SMTNL1: variants seen among roughly 807,000 people sequenced by gnomAD.
SMTNL1 encodes smoothelin-like protein 1.
In SMTNL1, 41 loss-of-function variants were observed where a neutral mutation model predicts 46.6. The ratio of observed to expected loss-of-function variants is 0.88; its 90% CI spans 0.69 to 1.14. The LOEUF (loss-of-function observed/expected upper bound fraction) is 1.14. Among genes scored for constraint, SMTNL1 ranks in the 50% most tolerant of loss-of-function variants. The pLI is 0.00. For missense variants in SMTNL1, 591 were observed against 626.1 expected (o/e 0.94, Z 0.60); for synonymous variants, 234 against 234.2 (o/e 1.00, Z 0.01).
At chr11:57,541,542 G>T in intron 1 of SMTNL1, 1 of 1,367,474 alleles carries the variant, frequency 7.3e-7, no homozygotes, top group Middle Eastern at 2.1e-4. Context: ...AGATTGCTCA[G>T]CAGAGGCCAG....
rs112645337 is a variant in SMTNL1 at position 57,538,410 on chromosome 11, G to A, written c.-3+768G>A. On this transcript the variant is annotated intron_variant, in intron 1 of 7. Coordinates refer to ENST00000527972, the MANE Select transcript of SMTNL1 (RefSeq NM_001105565.3). ...GCAGTGCTGCTTTGGACACAAAACA[G>A]GGATGGTTTGGAGACTTCCTGGGGA... 3.0e-3 allele frequency among the ~76,000 whole-genome samples: 455 copies of A among 152,318 alleles called. 2 individuals carry two copies. Among genetic ancestry groups the A allele is most frequent in the Non-Finnish European group, 4.6e-3 (310 of 68,024 alleles).
In SMTNL1 at chr11:57,545,865, G is replaced by T; in HGVS notation, c.918-16G>T. ...GTCCCAGCCTCTCTCACACGTCTTT[G>T]GACTTCTCCATATAGTGAGTCTTCA... On this transcript the variant is annotated splice_polypyrimidine_tract_variant and intron_variant, in intron 4 of 7. Coordinates refer to ENST00000527972, the MANE Select transcript of SMTNL1 (RefSeq NM_001105565.3). The T allele has an allele frequency of 6.2e-7, 1 of 1,600,292 alleles. No homozygotes were observed. The highest frequency in any genetic ancestry group is 8.5e-7 in the Non-Finnish European group (1 of 1,172,654).
intron 7 of SMTNL1, 150 bp downstream of exon 7, chr11:57,546,802 A>T: frequency 9.5e-7 from 1 of 1,052,516 alleles, no homozygotes; most frequent in Non-Finnish European, 1.4e-6. Context: ...GCACTGTTTC[A>T]GGCCCTGGGG....
intron 7 of SMTNL1, 116 bp downstream of exon 7, chr11:57,546,768 C>T (rs1944926867): frequency 1.5e-6 from 2 of 1,307,044 alleles, no homozygotes; most frequent in African/African-American, 1.5e-5. Context: ...TTCATGTATC[C>T]AACAGACATT....
In SMTNL1 at chr11:57,550,036, A is replaced by G. The variant is rs557885710; in HGVS notation, c.1409A>G (p.Lys470Arg). Residue 470 changes from lysine to arginine, a missense_variant, in exon 8 of 8, where the codon AAG becomes AGG. Transcript: ENST00000527972. ...GTGCGGTTGGCTGTGCCCGACTCCAAGTGCGTCTACACATACATCCAGGAA... is the reference window on the plus strand; with the variant it reads ...GTGCGGTTGGCTGTGCCCGACTCCAGGTGCGTCTACACATACATCCAGGAA... ...DMVRLAVPDSKCVYTYIQELY... is the reference protein window; with the variant it reads ...DMVRLAVPDSRCVYTYIQELY... 5.6e-6 allele frequency: 9 copies of G among 1,613,942 alleles called. No individual in the cohort carries two copies. The East Asian group carries it at 8.9e-5, about 16-fold the overall frequency.
Position 57,542,814 on chromosome 11 carries a change from GC to G in SMTNL1, c.174del (p.Glu59ArgfsTer15). On this transcript the variant is annotated frameshift_variant, in exon 2 of 8. Transcript: ENST00000527972. LOFTEE classifies it high-confidence loss of function. ...GTCAGGAAAGCAGGAAAAGGCACCA[GC>G]CGAGGACGGCATGTCAGCAGAACTC... ...TESGKQEKAP[A>X]EDGMSAELQG... 1 of 1,613,800 alleles carries G rather than the reference GC, an allele frequency of 6.2e-7. No individual in the cohort carries two copies. Among genetic ancestry groups the G allele is most frequent in the South Asian group, 1.1e-5 (1 of 91,020 alleles).
At chr11:57,538,101 C>A (rs79460469) in intron 1 of SMTNL1, among the ~76,000 whole-genome samples, 1 of 151,744 alleles carries the variant, frequency 6.6e-6, no homozygotes, top group Non-Finnish European at 1.5e-5. Context: ...TTACATGTGG[C>A]CCAAGACACT....
chr11:57,542,977 C>A lies in SMTNL1; in HGVS notation c.335C>A (p.Thr112Asn), dbSNP rs1421495048. Reference sequence around the variant, plus strand: ...ACCACTGTGGGTTCTCAGGAGATGACTGGCAGGAAAGAAGAGACCAAATCT... The same window carrying A: ...ACCACTGTGGGTTCTCAGGAGATGAATGGCAGGAAAGAAGAGACCAAATCT... ...EETTVGSQEM[T>N]GRKEETKSEP... Residue 112 changes from threonine (T) to asparagine (N), a missense_variant, in exon 2 of 8, where the codon ACT becomes AAT. By Grantham distance (65) the Thr-to-Asn change is moderately conservative. Transcript: ENST00000527972. 6 of 1,602,228 alleles carry A rather than the reference C, an allele frequency of 3.7e-6. No individual in the cohort carries two copies. Among genetic ancestry groups the A allele is most frequent in the East Asian group, 2.3e-5 (1 of 44,432 alleles).
Position 57,550,152 on chromosome 11 carries a change from C to G in SMTNL1, c.*40C>G, listed in dbSNP as rs1352579341. 3 of 1,584,534 alleles carry G rather than the reference C, an allele frequency of 1.9e-6. No homozygotes were observed. The highest frequency in any genetic ancestry group is 2.6e-6 in the Non-Finnish European group (3 of 1,164,728). Reference sequence around the variant, plus strand: ...CTGTGGGCAGAGATGGGCAGGGTGCCCAGCTCAGCAGCCACGGCCCGGGGG... The same window carrying G: ...CTGTGGGCAGAGATGGGCAGGGTGCGCAGCTCAGCAGCCACGGCCCGGGGG... On this transcript the variant is annotated 3_prime_UTR_variant, in exon 8 of 8. Transcript: ENST00000527972.
chr11:57,543,044 T>C lies in SMTNL1; in HGVS notation c.402T>C (p.Ser134=). The C allele has an allele frequency of 5.0e-6, 8 of 1,606,128 alleles. No homozygotes were observed. Among genetic ancestry groups the C allele is most frequent in the Non-Finnish European group, 6.8e-6 (8 of 1,176,138 alleles). Residue 134 remains serine (S), a synonymous_variant, in exon 2 of 8, where the codon TCT becomes TCC. Coordinates refer to ENST00000527972, the MANE Select transcript of SMTNL1 (RefSeq NM_001105565.3). ...AGGAAAAGGAGAGCACGCTGGCCTC[T>C]GAGAAGCAGAAGGCTGAGGAGAAAG... ...EAEEKESTLA[S]EKQKAEEKEA...
intron 7 of SMTNL1, 130 bp from the exon 8 acceptor site, chr11:57,549,838 T>C: frequency 1.1e-6 from 1 of 936,016 alleles, no homozygotes; most frequent in East Asian, 2.5e-5. Context: ...TTGGCTTAGA[T>C]GATCTCCCAG....
At chr11:57,549,789 G>T (rs530925077) in intron 7 of SMTNL1, among the ~76,000 whole-genome samples, 179 bp from the exon 8 acceptor site, 1 of 152,128 alleles carries the variant, frequency 6.6e-6, no homozygotes, top group South Asian at 2.1e-4. Context: ...TAACTCTGTT[G>T]GGGTCTCAGT....
chr11:57,545,223 G>T (rs1294113567), intron 4 of SMTNL1, among the ~76,000 whole-genome samples: 1 of 152,134 alleles, frequency 6.6e-6, no homozygotes, highest in Non-Finnish European at 1.5e-5. Context: ...TTCTTACATA[G>T]GGCAGGTAGG....
chr11:57,543,491 C>G, intron 2 of SMTNL1, 117 bp downstream of exon 2: 1 of 1,521,346 alleles, frequency 6.6e-7, no homozygotes, highest in Non-Finnish European at 8.8e-7. Context: ...TTTCCAGAGC[C>G]CAGGGTGGGG....
Position 57,542,655 on chromosome 11 carries a change from G to C in SMTNL1, c.13G>C (p.Glu5Gln). ...TCTCTTTCCAGAGATGGAGCAGAAG[G>C]AAGGGAAGCTCTCTGAGGATGGGAC... MEQK[E>Q]GKLSEDGTTV... Residue 5 changes from glutamate to glutamine, a missense_variant, in exon 2 of 8, where the codon GAA becomes CAA. By Grantham distance (29) the Glu-to-Gln change is conservative. Transcript: ENST00000527972. 1 of 1,608,086 alleles carries C rather than the reference G, an allele frequency of 6.2e-7. No homozygotes were observed. The highest frequency in any genetic ancestry group is 1.7e-4 in the Middle Eastern group (1 of 6,012).
In SMTNL1 at chr11:57,543,636, C is replaced by T. The variant is rs546652152; in HGVS notation, c.745C>T (p.Pro249Ser). Reference sequence around the variant, plus strand: ...ATGCTCATTCCAGGAGCCAGGCAGTCCCAGCGAAGAGCAGGAGCAGGACGT... The same window carrying T: ...ATGCTCATTCCAGGAGCCAGGCAGTTCCAGCGAAGAGCAGGAGCAGGACGT... ...EDAEEAEPGS[P>S]SEEQEQDVEK... is the part of the protein sequence containing the mutation. Residue 249 changes from proline (P) to serine (S), a missense_variant, in exon 3 of 8, where the codon CCC becomes TCC. Coordinates refer to ENST00000527972, the MANE Select transcript of SMTNL1 (RefSeq NM_001105565.3). 1.2e-6 allele frequency: 2 copies of T among 1,607,744 alleles called. No individual in the cohort carries two copies. Among genetic ancestry groups the T allele is most frequent in the East Asian group, 2.2e-5 (1 of 44,712 alleles).
chr11:57,542,109 AAAAAACACACAC>A (rs1440980794), intron 1 of SMTNL1, among the ~76,000 whole-genome samples: 9 of 60,514 alleles, frequency 1.5e-4, no homozygotes, highest in African/African-American at 4.9e-4. Flanking sequence ...CTCTACAAAA[AAAAAACACACAC>A]ACACACACAC....
Position 57,545,970 on chromosome 11 carries a change from C to A in SMTNL1, c.1007C>A (p.Ser336Ter). 6.2e-7 allele frequency: 1 copy of A among 1,612,364 alleles called. No individual in the cohort carries two copies. The highest frequency in any genetic ancestry group is 8.5e-7 in the Non-Finnish European group (1 of 1,179,312). The change falls in exon 5 of 8, where the codon TCA (serine) becomes TAA (stop). Residue 336 changes from serine to a stop codon, truncating the protein, a stop_gained. Coordinates refer to ENST00000527972, the MANE Select transcript of SMTNL1 (RefSeq NM_001105565.3). LOFTEE classifies it high-confidence loss of function. ...GAGAAGGCACCAGAGCGCAGGGTAT[C>A]AGCCCCTGCTCGGCCCCGGGGGCCC... Reference protein sequence around the residue: ...KKEKAPERRVSAPARPRGPRA... With the variant: ...KKEKAPERRV
intron 7 of SMTNL1, among the ~76,000 whole-genome samples, chr11:57,547,740 C>T (rs375248479): frequency 2.0e-5 from 3 of 152,244 alleles, no homozygotes; most frequent in African/African-American, 7.2e-5. Flanking sequence ...AGGGACAGCA[C>T]CCTAACCCAA....
Sources: allele counts gnomAD v4.1 joint callset (sites outside exome capture counted in the v4.1 genomes callset), GRCh38; gene constraint gnomAD v4.1.1; transcripts MANE v1.5; gene names NCBI Gene and HGNC (gene_info 2026-07-23, HGNC 2026-07-21).